FSTL4: variants seen among roughly 807,000 people sequenced by gnomAD.
FSTL4 encodes follistatin-related protein 4.
Under a neutral mutation model 78.2 loss-of-function variants are expected in FSTL4, and 28 were observed. That is an observed-to-expected ratio of 0.36 (90% CI 0.27 to 0.49). FSTL4 has a LOEUF of 0.49. FSTL4 is among the 20% of genes least tolerant of loss of function. The probability of loss-of-function intolerance (pLI) is 0.98; values close to 1 mark genes in which losing one functional copy is unlikely to be tolerated. For synonymous variants in FSTL4, 422 were observed against 440.5 expected (o/e 0.96, Z 0.53); for missense variants, 922 against 1,084.9 (o/e 0.85, Z 2.11).
intron 2 of FSTL4, among the ~76,000 whole-genome samples, chr5:133,573,366 T>C (rs1760203550): frequency 6.6e-6 from 1 of 152,198 alleles, no homozygotes; most frequent in Admixed American, 6.5e-5. Flanking sequence ...ATCATAAATA[T>C]ATGTTTACAA....
At chr5:133,401,221 C>G (rs1756216828) in intron 3 of FSTL4, among the ~76,000 whole-genome samples, 1 of 152,212 alleles carries the variant, frequency 6.6e-6, no homozygotes, top group Non-Finnish European at 1.5e-5. Flanking sequence ...CTGACTCACT[C>G]TGAACATCTG....
At chr5:133,826,876 C>T in the FSTL4 span, among the ~76,000 whole-genome samples, 9 of 152,242 alleles carry the variant, frequency 5.9e-5, no homozygotes, top group Non-Finnish European at 1.2e-4. Flanking sequence ...GACTTAATAA[C>T]TAAAATTCTG....
chr5:133,300,506 G>A (rs1216132958), intron 6 of FSTL4, among the ~76,000 whole-genome samples: 1 of 152,176 alleles, frequency 6.6e-6, no homozygotes, highest in South Asian at 2.1e-4. Flanking sequence ...CTGTGGCCTG[G>A]TACAGTTGGC....
Position 133,595,231 on chromosome 5 carries a change from G to A in FSTL4, c.126+8627C>T, listed in dbSNP as rs534359369. Among the ~76,000 whole-genome samples the A allele has an allele frequency of 2.0e-5, 3 of 152,302 alleles. No individual in the cohort carries two copies. The South Asian group carries it at 6.2e-4, about 32-fold the overall frequency. On this transcript the variant is annotated intron_variant, in intron 2 of 15. Transcript: ENST00000265342. ...ACCTGTTCCTACACACATCCCATAC[G>A]ATTCTCTGAAGCCTCTCCTGGTTCA...
At chr5:133,315,471 C>T (rs1753882443) in intron 5 of FSTL4, among the ~76,000 whole-genome samples, 1 of 152,228 alleles carries the variant, frequency 6.6e-6, no homozygotes, top group Non-Finnish European at 1.5e-5. Flanking sequence ...CACTCCCCAC[C>T]CCACTTCTTC....
chr5:133,298,875 T>C (rs1054525482), intron 6 of FSTL4, among the ~76,000 whole-genome samples: 1 of 152,228 alleles, frequency 6.6e-6, no homozygotes, highest in African/African-American at 2.4e-5. Flanking sequence ...CCAGTCCCTT[T>C]GGTGAGACTG....
chr5:133,326,668 A>G (rs911037478), intron 4 of FSTL4, among the ~76,000 whole-genome samples: 3 of 152,190 alleles, frequency 2.0e-5, no homozygotes, highest in African/African-American at 7.2e-5. Flanking sequence ...TTTTCTGCCA[A>G]GGCCCAGTTC....
At chr5:133,819,777 T>C in the FSTL4 span, among the ~76,000 whole-genome samples, 1 of 152,178 alleles carries the variant, frequency 6.6e-6, no homozygotes, top group East Asian at 1.9e-4. Context: ...AATGAAGCCT[T>C]GCACATAAAG....
chr5:133,758,535 T>A, the FSTL4 span, among the ~76,000 whole-genome samples: 3 of 152,148 alleles, frequency 2.0e-5, no homozygotes, highest in Admixed American at 2.0e-4. Context: ...CTCCCCAAAA[T>A]AAGTATAAAT....
chr5:133,818,979 A>T, the FSTL4 span, among the ~76,000 whole-genome samples: 1 of 140,734 alleles, frequency 7.1e-6, no homozygotes, highest in African/African-American at 2.7e-5. Flanking sequence ...ATGCACACAC[A>T]CACAATTTCC....
chr5:133,609,132 TTC>T (rs1226529228), intron 1 of FSTL4, among the ~76,000 whole-genome samples: 2 of 152,192 alleles, frequency 1.3e-5, no homozygotes, highest in Admixed American at 1.3e-4. Context: ...CAGAAATGGC[TTC>T]TTTTTGTAAT....
At chr5:133,683,341 C>T in the FSTL4 span, among the ~76,000 whole-genome samples, 1 of 152,188 alleles carries the variant, frequency 6.6e-6, no homozygotes, top group African/African-American at 2.4e-5. Flanking sequence ...GTTTGGCATG[C>T]TATCTTAAAA....
rs556822400 is a variant in FSTL4 at position 133,541,142 on chromosome 5, G to A, written c.160+26044C>T. On this transcript the variant is annotated intron_variant, in intron 3 of 15. Coordinates refer to ENST00000265342, the MANE Select transcript of FSTL4 (RefSeq NM_015082.2). ...GCTATGCAAAGAATTGCCACAAAACGTAGTGACTTAAAACAACAACAAGCG... is the reference window on the plus strand; with the variant it reads ...GCTATGCAAAGAATTGCCACAAAACATAGTGACTTAAAACAACAACAAGCG... Among the ~76,000 whole-genome samples the A allele has an allele frequency of 1.7e-4, 26 of 152,292 alleles. No homozygotes were observed. In the East Asian group the frequency reaches 2.7e-3, roughly 16 times the overall value.
intron 4 of FSTL4, among the ~76,000 whole-genome samples, chr5:133,352,488 C>T (rs1754853390): frequency 6.6e-6 from 1 of 151,930 alleles, no homozygotes; most frequent in Admixed American, 6.6e-5. Context: ...TGGCTCACAG[C>T]AACCTCAACC....
the FSTL4 span, among the ~76,000 whole-genome samples, chr5:133,772,350 T>C: frequency 2.0e-5 from 3 of 152,186 alleles, no homozygotes; most frequent in Non-Finnish European, 4.4e-5. Flanking sequence ...AAATAAACCA[T>C]TTGTGTTTTT....
At chr5:133,277,825 C>G (rs1752920757) in intron 6 of FSTL4, among the ~76,000 whole-genome samples, 1 of 152,188 alleles carries the variant, frequency 6.6e-6, no homozygotes, top group Non-Finnish European at 1.5e-5. Flanking sequence ...TTTGGGGGTT[C>G]ATGCCAGGGA....
intron 6 of FSTL4, among the ~76,000 whole-genome samples, chr5:133,274,380 C>CTATTTTTTTTTTT (rs1752831399): frequency 1.4e-5 from 1 of 71,030 alleles, no homozygotes; most frequent in Non-Finnish European, 2.4e-5. Flanking sequence ...GCAATCTGTG[C>CTATTTTTTTTTTT]TTTTTTTTTT....
At chr5:133,206,140 T>C (rs1243495299) in intron 14 of FSTL4, among the ~76,000 whole-genome samples, 2 of 152,098 alleles carry the variant, frequency 1.3e-5, no homozygotes, top group Non-Finnish European at 2.9e-5. Flanking sequence ...CCTATAGTCT[T>C]GGGATAGTTC....
chr5:133,654,184 C>T, the FSTL4 span, among the ~76,000 whole-genome samples: 2 of 152,228 alleles, frequency 1.3e-5, no homozygotes, highest in Admixed American at 1.3e-4. Flanking sequence ...GTCATTCTTT[C>T]CTCATGAGCA....
Sources: allele counts gnomAD v4.1 joint callset (sites outside exome capture counted in the v4.1 genomes callset), GRCh38; gene constraint gnomAD v4.1.1; transcripts MANE v1.5; gene names NCBI Gene and HGNC (gene_info 2026-07-23, HGNC 2026-07-21).